Variants in LARGE1 observed in about 807,000 individuals in gnomAD.
The protein encoded by LARGE1 is LARGE xylosyl- and glucuronyltransferase 1.
In LARGE1, 43 loss-of-function variants were observed where a neutral mutation model predicts 87.6. That is an observed-to-expected ratio of 0.49 (90% CI 0.38 to 0.63). LARGE1 has a LOEUF of 0.63. Among genes scored for constraint, LARGE1 ranks in the 30% least tolerant of loss-of-function variants. The pLI is 0.00. For missense variants in LARGE1, 802 were observed against 1,000.2 expected (o/e 0.80, Z 2.67); for synonymous variants, 434 against 394.6 (o/e 1.10, Z -1.18).
chr22:33,504,451 G>C lies in LARGE1; in HGVS notation c.787+60397C>G, dbSNP rs1201507274. On this transcript the variant is annotated intron_variant, in intron 6 of 14. Transcript: ENST00000397394. ...ATTTTTGTATTTTTAGTAGAGACAG[G>C]GTTTCACCACGTCGGCCAGGCTGGT... 2.6e-5 allele frequency among the ~76,000 whole-genome samples: 4 copies of C among 152,288 alleles called. No homozygotes were observed. The East Asian group carries it at 5.8e-4, about 22-fold the overall frequency.
chr22:33,544,957 A>G (rs1324043615), intron 6 of LARGE1, among the ~76,000 whole-genome samples: 1 of 152,194 alleles, frequency 6.6e-6, no homozygotes, highest in African/African-American at 2.4e-5. Context: ...TGTTCAACAG[A>G]AAAACAGTCA....
intron 11 of LARGE1, among the ~76,000 whole-genome samples, chr22:33,190,921 C>A (rs79409349): frequency 6.6e-6 from 1 of 152,144 alleles, no homozygotes; most frequent in Non-Finnish European, 1.5e-5. Context: ...TTCCCATATT[C>A]GGTAAAACTC....
intron 5 of LARGE1, among the ~76,000 whole-genome samples, chr22:33,585,531 G>T (rs973770388): frequency 6.6e-6 from 1 of 152,084 alleles, no homozygotes. Flanking sequence ...TGAGAATAAG[G>T]TTGCCTTCCC....
At chr22:33,747,046 T>C (rs1031165167) in intron 2 of LARGE1, among the ~76,000 whole-genome samples, 98 of 152,284 alleles carry the variant, frequency 6.4e-4, no homozygotes, top group African/African-American at 2.1e-3. Context: ...GAAGTCTATA[T>C]ATTAAACAAA....
chr22:33,556,974 C>G (rs1259157829), intron 6 of LARGE1, among the ~76,000 whole-genome samples: 3 of 152,132 alleles, frequency 2.0e-5, no homozygotes, highest in Admixed American at 2.0e-4. Context: ...CCACTGCACT[C>G]CAGCCTGGCG....
In LARGE1 at chr22:33,465,720, CACAG is replaced by C. The variant is rs1486597048; in HGVS notation, c.788-33459_788-33456del. On this transcript the variant is annotated intron_variant, in intron 6 of 14. Transcript: ENST00000397394. ...CACTTGTTTGCTTCTCCAGCCCTGG[CACAG>C]ACAAAGTGCACTGCTGATGTGCCAA... 5.3e-5 allele frequency among the ~76,000 whole-genome samples: 8 copies of C among 152,304 alleles called. 1 individual carries two copies. The South Asian group carries it at 1.5e-3, about 28-fold the overall frequency.
chr22:33,342,337 C>G (rs1449144687), intron 9 of LARGE1, among the ~76,000 whole-genome samples: 1 of 152,130 alleles, frequency 6.6e-6, no homozygotes, highest in Non-Finnish European at 1.5e-5. Context: ...CTATGGACCC[C>G]GCAAACAAAG....
chr22:33,812,294 TGCC>T (rs1376908517), intron 1 of LARGE1, among the ~76,000 whole-genome samples: 1 of 152,242 alleles, frequency 6.6e-6, no homozygotes, highest in East Asian at 1.9e-4. Context: ...TGGCCTCCCC[TGCC>T]TTCTCACGGT....
chr22:33,338,655 T>C (rs1348359758), intron 9 of LARGE1, among the ~76,000 whole-genome samples: 2 of 152,218 alleles, frequency 1.3e-5, no homozygotes, highest in Non-Finnish European at 2.9e-5. Flanking sequence ...TTCATGCCTA[T>C]AAAGCATGTA....
chr22:33,443,072 G>A (rs868591289), intron 6 of LARGE1, among the ~76,000 whole-genome samples: 1 of 152,260 alleles, frequency 6.6e-6, no homozygotes, highest in African/African-American at 2.4e-5. Context: ...GATTACAGAC[G>A]TGAGCCACTG....
At chr22:33,655,565 C>G (rs1164893353) in intron 2 of LARGE1, among the ~76,000 whole-genome samples, 1 of 152,128 alleles carries the variant, frequency 6.6e-6, no homozygotes, top group Non-Finnish European at 1.5e-5. Context: ...ATCATGCAAG[C>G]CAATTCCTTA....
At chr22:33,658,478 CCCCTACTTGTGT>C (rs1457617274) in intron 2 of LARGE1, among the ~76,000 whole-genome samples, 14 of 152,096 alleles carry the variant, frequency 9.2e-5, no homozygotes, top group African/African-American at 3.4e-4. Context: ...GTGTGTTGTT[CCCCTACTTGTGT>C]CCATGTGCTC....
intron 6 of LARGE1, among the ~76,000 whole-genome samples, chr22:33,539,418 C>A (rs1402107561): frequency 1.3e-5 from 2 of 152,182 alleles, no homozygotes; most frequent in African/African-American, 4.8e-5. Flanking sequence ...CAGTGGGATT[C>A]CACATAGGCC....
chr22:33,661,961 G>A (rs2081135875), intron 2 of LARGE1, among the ~76,000 whole-genome samples: 1 of 149,272 alleles, frequency 6.7e-6, no homozygotes, highest in Non-Finnish European at 1.5e-5. Context: ...TGTGAAACAT[G>A]ACTAAAAATC....
chr22:33,521,141 G>C (rs983701814), intron 6 of LARGE1, among the ~76,000 whole-genome samples: 1 of 152,238 alleles, frequency 6.6e-6, no homozygotes, highest in African/African-American at 2.4e-5. Flanking sequence ...ACAGTAAAAA[G>C]AGAACACAGT....
intron 3 of LARGE1, among the ~76,000 whole-genome samples, chr22:33,649,515 G>T (rs73168598): frequency 0.066 from 10,050 of 152,244 alleles, 445 homozygotes; most frequent in Non-Finnish European, 0.1. Flanking sequence ...TGGCCATTCT[G>T]TTTAATTCTC....
At position 33,278,893 on chromosome 22, in the gene LARGE1, T is replaced by C. The variant is rs527728007; in HGVS notation, c.1878-1638A>G. 2.6e-5 allele frequency among the ~76,000 whole-genome samples: 4 copies of C among 152,226 alleles called. No individual in the cohort carries two copies. In the South Asian group the frequency reaches 8.3e-4, roughly 32 times the overall value. On this transcript the variant is annotated intron_variant, in intron 13 of 14. Transcript: ENST00000397394. ...CATCACCACGCCTGGCTAATTTTTG[T>C]ATTTTTAGTAGACACGGGGTTTCAC...
chr22:33,564,287 A>G (rs2077954637), intron 6 of LARGE1, among the ~76,000 whole-genome samples: 1 of 152,126 alleles, frequency 6.6e-6, no homozygotes. Context: ...CTGAGCTCAC[A>G]ATTTCCCCCT....
At chr22:33,515,995 C>T (rs562965891) in intron 6 of LARGE1, among the ~76,000 whole-genome samples, 2 of 152,286 alleles carry the variant, frequency 1.3e-5, no homozygotes, top group African/African-American at 4.8e-5. Flanking sequence ...GTGTCCAGGC[C>T]CTCTAAGAGC....
Sources: gnomAD v4.1 joint callset for allele counts (sites outside exome capture counted in the v4.1 genomes callset) on GRCh38, gnomAD v4.1.1 for gene constraint, MANE v1.5 for transcripts, NCBI Gene and HGNC (gene_info 2026-07-23, HGNC 2026-07-21) for gene names.